Variants in SLC26A3 observed in about 807,000 individuals in gnomAD.
The protein encoded by SLC26A3 is chloride anion exchanger.
In SLC26A3, 64 loss-of-function variants were observed where a neutral mutation model predicts 85.6. That is an observed-to-expected ratio of 0.75 (90% CI 0.61 to 0.92). The LOEUF is 0.92. Ranked by LOEUF, SLC26A3 falls within the 40% of genes least tolerant of loss-of-function variation. The probability of loss-of-function intolerance (pLI) is 0.00; values close to 1 mark genes in which losing one functional copy is unlikely to be tolerated. For synonymous variants in SLC26A3, 349 were observed against 336.0 expected, an observed-to-expected ratio of 1.04 and a Z score of -0.42; for missense variants, 922 against 927.3, an observed-to-expected ratio of 0.99 and a Z score of 0.07.
At chr7:107,790,265 C>T (rs1454768120) in intron 5 of SLC26A3, among the ~76,000 whole-genome samples, 2 of 152,198 alleles carry the variant, frequency 1.3e-5, no homozygotes, top group African/African-American at 4.8e-5. Context: ...ATTCTCCTTC[C>T]CTTGGATACT....
intron 18 of SLC26A3, among the ~76,000 whole-genome samples, chr7:107,769,868 T>C (rs1478113992): frequency 6.6e-6 from 1 of 152,026 alleles, no homozygotes; most frequent in Non-Finnish European, 1.5e-5. Flanking sequence ...CCTAAAAAGC[T>C]CCCCCTAAGT....
chr7:107,791,914 T>C lies in SLC26A3; in HGVS notation c.298A>G (p.Ile100Val). 8 of 1,613,458 alleles carry C rather than the reference T, an allele frequency of 5.0e-6. No individual in the cohort carries two copies. Among genetic ancestry groups the C allele is most frequent in the Non-Finnish European group, 3.4e-6 (4 of 1,179,402 alleles). Residue 100 changes from isoleucine (I) to valine (V), a missense_variant, in exon 4 of 21, where the codon ATT becomes GTT. By Grantham distance (29) the Ile-to-Val change is conservative (BLOSUM62 3). Transcript: ENST00000340010. ...GCATACAACCCATAGACTGGGGGAA[T>C]GTCGACCAGCAGAGCAAATGCTAAA... Reference protein sequence around the residue: ...QGLAFALLVDIPPVYGLYASF... With the variant: ...QGLAFALLVDVPPVYGLYASF...
intron 20 of SLC26A3, among the ~76,000 whole-genome samples, chr7:107,766,828 CA>C (rs1793924136): frequency 6.6e-6 from 1 of 151,424 alleles, no homozygotes; most frequent in Admixed American, 6.6e-5. Flanking sequence ...CTGTTGGGGT[CA>C]CTTGGTATGT....
chr7:107,776,885 T>A, intron 13 of SLC26A3, 179 bp from the exon 14 acceptor site: 1 of 668,680 alleles, frequency 1.5e-6, no homozygotes, highest in Non-Finnish European at 2.7e-6. Flanking sequence ...TATCTTTGTG[T>A]CCTCTCACAG....
chr7:107,794,425 C>G lies in SLC26A3; in HGVS notation c.85G>C (p.Gly29Arg). The change falls in exon 2 of 21, where the codon GGA becomes CGA. Residue 29 changes from glycine to arginine, a missense_variant. Coordinates refer to ENST00000340010, the MANE Select transcript of SLC26A3 (RefSeq NM_000111.3). ...NAFEENHKKT[G>R]RHHKTFLDHL... ...TCCAGAAATGTCTTATGATGTCTTC[C>G]TGTCTTTTTATGATTTTCCTCAAAA... is the stretch of plus-strand genomic sequence containing the variant. 1 of 1,613,932 alleles carries G rather than the reference C, an allele frequency of 6.2e-7. No individual in the cohort carries two copies. The highest frequency in any genetic ancestry group is 8.5e-7 in the Non-Finnish European group (1 of 1,179,874).
intron 6 of SLC26A3, 147 bp downstream of exon 6, chr7:107,789,377 C>G (rs1794353965): frequency 1.6e-5 from 12 of 768,926 alleles, no homozygotes; most frequent in Non-Finnish European, 2.1e-6. Context: ...GCCTCGGCCT[C>G]CCAAAGTGCT....
rs1338819392 is a variant in SLC26A3, at chr7:107,774,092, T to A, written c.1835A>T (p.Gln612Leu). The change falls in exon 17 of 21, where the codon CAG becomes CTG. Residue 612 changes from glutamine to leucine, a missense_variant. Physicochemically the swap from Gln to Leu is moderately radical, Grantham distance 113. Transcript: ENST00000340010. ...GATTGGCTGGTCCAGTACTTCTATC[T>A]GATTGTTGTCCAGCTCTTCGTCAGA... ...KDSDEELDNN[Q>L]IEVLDQPINT... The A allele has an allele frequency of 1.2e-6, 2 of 1,614,188 alleles. No individual in the cohort carries two copies. The highest frequency in any genetic ancestry group is 1.7e-5 in the Admixed American group (1 of 60,022).
chr7:107,778,359 A>ATTTTTTT, intron 12 of SLC26A3, 78 bp from the exon 13 acceptor site: 6 of 452,966 alleles, frequency 1.3e-5, no homozygotes, highest in Admixed American at 4.0e-5. Flanking sequence ...TTTTAAAAAG[A>ATTTTTTT]CTTTTTTTTT....
Position 107,767,588 on chromosome 7 carries a change from C to T in SLC26A3, c.2262G>A (p.Arg754=). 1 of 1,607,464 alleles carries T rather than the reference C, an allele frequency of 6.2e-7. No homozygotes were observed. The highest frequency in any genetic ancestry group is 8.5e-7 in the Non-Finnish European group (1 of 1,174,430). The change falls in exon 20 of 21, where the codon CGG becomes CGA. Residue 754 remains arginine, a synonymous_variant. Coordinates refer to ENST00000340010, the MANE Select transcript of SLC26A3 (RefSeq NM_000111.3). ...TINTNGGLRN[R]VYEVPVETKF ...TGTTGAAGAATCTTACCTCATATAC[C>T]CGATTACGTAATCCTCCATTTGTAT...
At chr7:107,781,071 C>T (rs555640733) in intron 11 of SLC26A3, among the ~76,000 whole-genome samples, 6 of 151,940 alleles carry the variant, frequency 3.9e-5, no homozygotes, top group Non-Finnish European at 5.9e-5. Context: ...CAGTATTCTA[C>T]GGAAAAACAA....
Position 107,793,878 on chromosome 7 carries a change from A to G in SLC26A3, c.135T>C (p.Cys45=), listed in dbSNP as rs746274250. ...FLDHLKVCCS[C]SPQKAKRIVL... Reference sequence around the variant, plus strand: ...CAATTCTCTTGGCCTTTTGTGGGGAACAGCTGAAAACATGGAAAGCCACAG... The same window carrying G: ...CAATTCTCTTGGCCTTTTGTGGGGAGCAGCTGAAAACATGGAAAGCCACAG... The change falls in exon 3 of 21, where the codon TGT becomes TGC. Residue 45 remains cysteine, a synonymous_variant. Coordinates refer to ENST00000340010, the MANE Select transcript of SLC26A3 (RefSeq NM_000111.3). 6 of 1,613,646 alleles carry G rather than the reference A, an allele frequency of 3.7e-6. No individual in the cohort carries two copies. Among genetic ancestry groups the G allele is most frequent in the Non-Finnish European group, 5.1e-6 (6 of 1,179,700 alleles).
rs1794233373 is a variant in SLC26A3, at chr7:107,782,824, A to C, written c.1284T>G (p.Ile428Met). 1 of 1,614,158 alleles carries C rather than the reference A, an allele frequency of 6.2e-7. No homozygotes were observed. Among genetic ancestry groups the C allele is most frequent in the Non-Finnish European group, 8.5e-7 (1 of 1,179,984 alleles). ...AIIVLIVVLA[I>M]GFLLAPLQKS... ...TTTGTAGAGGCGCCAGGAGAAATCC[A>C]ATGGCTAGAACGACAATCAGCACGA... Residue 428 changes from isoleucine to methionine, a missense_variant, in exon 11 of 21, where the codon ATT becomes ATG. Ile to Met is a conservative substitution (Grantham distance 10, BLOSUM62 1). Coordinates refer to ENST00000340010, the MANE Select transcript of SLC26A3 (RefSeq NM_000111.3).
intron 18 of SLC26A3, among the ~76,000 whole-genome samples, chr7:107,768,653 A>G (rs867644521): frequency 6.6e-6 from 1 of 152,184 alleles, no homozygotes; most frequent in South Asian, 2.1e-4. Flanking sequence ...CTTAGTTTTA[A>G]AAAAATTCCC....
intron 18 of SLC26A3, 48 bp downstream of exon 18, chr7:107,772,006 G>A: frequency 7.8e-7 from 1 of 1,286,916 alleles, no homozygotes; most frequent in Non-Finnish European, 1.1e-6. Context: ...AGTTGGCAGT[G>A]AGCCTGAAGT....
chr7:107,768,007 G>T (rs909632645), intron 18 of SLC26A3, 99 bp from the exon 19 acceptor site: 4 of 1,070,694 alleles, frequency 3.7e-6, no homozygotes. Context: ...GCAAATGTGC[G>T]TTTCATTGAC....
rs765740009 is a variant in SLC26A3 at position 107,791,901 on chromosome 7, T to C, written c.311A>G (p.Tyr104Cys). ...FALLVDIPPV[Y>C]GLYASFFPAI... ...TGGGAAAAAGGATGCATACAACCCA[T>C]AGACTGGGGGAATGTCGACCAGCAG... Residue 104 changes from tyrosine to cysteine, a missense_variant, in exon 4 of 21, where the codon TAT becomes TGT. Coordinates refer to ENST00000340010, the MANE Select transcript of SLC26A3 (RefSeq NM_000111.3). The C allele has an allele frequency of 6.2e-7, 1 of 1,613,580 alleles. No homozygotes were observed. Among genetic ancestry groups the C allele is most frequent in the Admixed American group, 1.7e-5 (1 of 60,008 alleles).
At chr7:107,794,242 G>T in intron 2 of SLC26A3, 137 bp downstream of exon 2, 1 of 983,710 alleles carries the variant, frequency 1.0e-6, no homozygotes, top group Non-Finnish European at 1.6e-6. Flanking sequence ...TCAGGGAGTA[G>T]GAGGTTTGGA....
chr7:107,802,540 C>CT (rs1453267460), intron 1 of SLC26A3, among the ~76,000 whole-genome samples: 28 of 150,732 alleles, frequency 1.9e-4, no homozygotes, highest in Admixed American at 1.2e-3. Flanking sequence ...TACCCCCTCC[C>CT]TTTTTTTTTA....
At chr7:107,774,697 A>G (rs1439434754) in intron 16 of SLC26A3, 80 bp downstream of exon 16, 7 of 1,023,372 alleles carry the variant, frequency 6.8e-6, no homozygotes, top group Non-Finnish European at 7.8e-6. Flanking sequence ...CATTTCATTT[A>G]AAGGAATGGA....
Sources: allele counts gnomAD v4.1 joint callset (sites outside exome capture counted in the v4.1 genomes callset), GRCh38; gene constraint gnomAD v4.1.1; transcripts MANE v1.5; gene names NCBI Gene and HGNC (gene_info 2026-07-23, HGNC 2026-07-21).